The following PIEZO2 variants were observed in gnomAD, a reference collection of about 807,000 sequenced individuals.
The protein encoded by PIEZO2 is piezo type mechanosensitive ion channel component 2.
PIEZO2 carries 172 observed loss-of-function variants against 337.3 expected under a neutral mutation model. That is an observed-to-expected ratio of 0.51 (90% confidence interval 0.45 to 0.58). The LOEUF (loss-of-function observed/expected upper bound fraction) is 0.58. Ranked by LOEUF, PIEZO2 falls within the 20% of genes least tolerant of loss-of-function variation. PIEZO2 has a pLI of 0.00. For synonymous variants in PIEZO2, 1,251 were observed against 1,228.5 expected (o/e 1.02, Z -0.38); for missense variants, 3,028 against 3,391.3 (o/e 0.89, Z 2.66).
Position 10,837,437 on chromosome 18 carries a change from C to T in PIEZO2, c.917+17916G>A, listed in dbSNP as rs767989392. 1.3e-5 allele frequency among the ~76,000 whole-genome samples: 2 copies of T among 152,148 alleles called. No individual in the cohort carries two copies. The highest frequency in any genetic ancestry group is 2.9e-5 in the Non-Finnish European group (2 of 68,028). ...CAGGTACCTGTAGAGTGCTCCATCA[C>T]GCTGGACTCGCTGGAATGGGGGTAA... On this transcript the variant is annotated intron_variant, in intron 7 of 55. Coordinates refer to ENST00000674853, the MANE Select transcript of PIEZO2 (RefSeq NM_001378183.1). This position sits in a 1 kb window ranked among gnomAD's most constrained non-coding sequence, Gnocchi z 4.4.
At chr18:11,059,323 C>T (rs571152918) in intron 2 of PIEZO2, among the ~76,000 whole-genome samples, 81 of 152,266 alleles carry the variant, frequency 5.3e-4, no homozygotes, top group Non-Finnish European at 1.1e-3. Flanking sequence ...TAAAGGCCAT[C>T]GATGCTAGAA....
intron 31 of PIEZO2, among the ~76,000 whole-genome samples, 183 bp from the exon 32 acceptor site, chr18:10,742,798 TTGTGTG>T (rs71169946): frequency 3.5e-5 from 4 of 115,574 alleles, no homozygotes; most frequent in South Asian, 4.9e-4. Flanking sequence ...ATATACATAT[TTGTGTG>T]TGTGTGTGTG....
At chr18:10,738,664 G>A (rs1362348466) in intron 33 of PIEZO2, 2 of 152,264 alleles carry the variant, frequency 1.3e-5, no homozygotes, top group South Asian at 4.2e-4. Flanking sequence ...ACATATCATG[G>A]ATGTTGATGT....
At chr18:10,946,431 C>A (rs1401814944) in intron 3 of PIEZO2, among the ~76,000 whole-genome samples, 1 of 152,214 alleles carries the variant, frequency 6.6e-6, no homozygotes, top group African/African-American at 2.4e-5. Context: ...ATTCTACCCC[C>A]ACTCTGCAGC....
In PIEZO2 at chr18:10,824,922, G is replaced by A. The variant is rs1305653492; in HGVS notation, c.918-17648C>T. ...TCTGTCACCCAGGCTGGAGTGCAGT[G>A]GTGTGATCTTGGCTCACTGCAACCT... On this transcript the variant is annotated intron_variant, in intron 7 of 55. Transcript: ENST00000674853. This position sits in a 1 kb window ranked among gnomAD's most constrained non-coding sequence, Gnocchi z 4.4. 6.6e-6 allele frequency among the ~76,000 whole-genome samples: 1 copy of A among 152,162 alleles called. No homozygotes were observed. The highest frequency in any genetic ancestry group is 2.4e-5 in the African/African-American group (1 of 41,440).
intron 1 of PIEZO2, among the ~76,000 whole-genome samples, chr18:11,123,945 G>T (rs2040107674): frequency 6.6e-6 from 1 of 152,150 alleles, no homozygotes; most frequent in South Asian, 2.1e-4. Context: ...TCACCACAAA[G>T]GAAAAGTATG....
At chr18:10,932,215 A>T (rs2032133134) in intron 3 of PIEZO2, among the ~76,000 whole-genome samples, 1 of 151,840 alleles carries the variant, frequency 6.6e-6, no homozygotes, top group African/African-American at 2.4e-5. Flanking sequence ...GGGCAACATG[A>T]CAAAACCCCA....
Position 10,727,044 on chromosome 18 carries a change from G to A in PIEZO2, c.5029+4363C>T. 1.6e-6 allele frequency: 1 copy of A among 634,508 alleles called. No homozygotes were observed. The highest frequency in any genetic ancestry group is 2.5e-5 in the South Asian group (1 of 39,242). The allele number at this position is 634,508 out of a possible 1,614,324, so 39.3% of individuals were successfully genotyped here. ...GCTTCCACGGTCTGGGTGTTTCTTG[G>A]GGGGTGTTGGGAGGGCAGGAGCATT... On this transcript the variant is annotated intron_variant, in intron 36 of 55. Transcript: ENST00000674853. The surrounding 1 kb of genome is among the most constrained non-coding windows in gnomAD (Gnocchi z 6.3).
At chr18:11,107,768 G>T (rs2039612683) in intron 1 of PIEZO2, among the ~76,000 whole-genome samples, 1 of 152,152 alleles carries the variant, frequency 6.6e-6, no homozygotes, top group Non-Finnish European at 1.5e-5. Flanking sequence ...AGGACGACAG[G>T]GTTGGAAGTA....
chr18:11,080,137 C>T lies in PIEZO2; in HGVS notation c.65-13915G>A, dbSNP rs1384837254. The stretch of plus-strand genomic sequence containing the variant: ...TCCACACTGCTACCTCTCTCATCTA[C>T]ACAGAAAACACCTATAAAAATAACA... On this transcript the variant is annotated intron_variant, in intron 1 of 55. Coordinates refer to ENST00000674853, the MANE Select transcript of PIEZO2 (RefSeq NM_001378183.1). The surrounding 1 kb of genome is among the most constrained non-coding windows in gnomAD (Gnocchi z 5.4). Among the ~76,000 whole-genome samples the T allele has an allele frequency of 1.3e-5, 2 of 152,206 alleles. No homozygotes were observed. The highest frequency in any genetic ancestry group is 2.9e-5 in the Non-Finnish European group (2 of 68,038).
In PIEZO2 at chr18:10,702,116, T is replaced by C; in HGVS notation, c.6314A>G (p.Asn2105Ser). The C allele has an allele frequency of 6.5e-7, 1 of 1,536,946 alleles. No homozygotes were observed. The highest frequency in any genetic ancestry group is 8.7e-7 in the Non-Finnish European group (1 of 1,146,834). ...CGGTTTATCTTTGTTCACCTCCACA[T>C]TCTTATTCCAGGGAAAGAACCCAAA... ...FQFGFFPWNK[N>S]VEVNKDKPYH... The change falls in exon 43 of 56, where the codon AAT becomes AGT. Residue 2105 changes from asparagine (N) to serine (S), a missense_variant. Physicochemically the swap from Asn to Ser is conservative, Grantham distance 46. Around this residue, in one of 5 missense-constraint regions of PIEZO2, gnomAD observed 1,925 missense variants for 2,051.9 expected, o/e 0.94. Coordinates refer to ENST00000674853, the MANE Select transcript of PIEZO2 (RefSeq NM_001378183.1).
intron 1 of PIEZO2, among the ~76,000 whole-genome samples, chr18:11,115,138 A>T (rs536077428): frequency 1.3e-5 from 2 of 152,328 alleles, no homozygotes; most frequent in East Asian, 3.9e-4. Flanking sequence ...GCTATTCAGG[A>T]TTGACAGTTT....
rs71362202 is a variant in PIEZO2, at chr18:11,073,848, C to CTTT, written c.65-7629_65-7627dup. Among the ~76,000 whole-genome samples, 436 of 137,146 alleles carry CTTT rather than the reference C, an allele frequency of 3.2e-3. 8 individuals carry two copies. Among genetic ancestry groups the CTTT allele is most frequent in the South Asian group, 0.013 (55 of 4,282 alleles). The allele number at this position is 137,146 out of a possible 152,430, so 90.0% of individuals were successfully genotyped here. ...CGACTTAGAAGACAAATAACAACTG[C>CTTT]TTTTTTTTTTTTTTTTGAGACAGAG... is the stretch of plus-strand genomic sequence containing the variant. On this transcript the variant is annotated intron_variant, in intron 1 of 55. Transcript: ENST00000674853.
intron 2 of PIEZO2, among the ~76,000 whole-genome samples, chr18:10,998,813 T>C (rs1365471928): frequency 6.6e-6 from 1 of 151,452 alleles, no homozygotes; most frequent in Non-Finnish European, 1.5e-5. Flanking sequence ...TTTTAGCATG[T>C]TTTATTCATA....
At position 10,882,318 on chromosome 18, in the gene PIEZO2, C is replaced by T. The variant is rs1047493677; in HGVS notation, c.330-10903G>A. Among the ~76,000 whole-genome samples, 6 of 152,246 alleles carry T rather than the reference C, an allele frequency of 3.9e-5. No homozygotes were observed. The East Asian group carries it at 9.6e-4, about 24-fold the overall frequency. ...ATGACAAAAATTCAGTGACCCAAGG[C>T]CTTTCTCCAGTTACCCCCGGCCCAA... On this transcript the variant is annotated intron_variant, in intron 4 of 55. Coordinates refer to ENST00000674853, the MANE Select transcript of PIEZO2 (RefSeq NM_001378183.1).
chr18:10,730,549 GA>G (rs2036721761), intron 36 of PIEZO2, among the ~76,000 whole-genome samples: 1 of 133,550 alleles, frequency 7.5e-6, no homozygotes, highest in African/African-American at 3.0e-5. Flanking sequence ...CTTCGCTTTT[GA>G]TTTTTTTATT....
At chr18:11,018,378 A>ATATTGTGTG (rs1186022863) in intron 2 of PIEZO2, among the ~76,000 whole-genome samples, 1 of 115,696 alleles carries the variant, frequency 8.6e-6, no homozygotes, top group African/African-American at 3.2e-5. Flanking sequence ...GACTCCCAAC[A>ATATTGTGTG]TGTCGTGTGT....
chr18:10,809,041 A>T (rs1010657857), intron 7 of PIEZO2, among the ~76,000 whole-genome samples: 2 of 152,172 alleles, frequency 1.3e-5, no homozygotes, highest in Admixed American at 1.3e-4. Context: ...TCATATAGAC[A>T]TTACATACCT....
At chr18:11,012,872 A>G (rs1224917686) in intron 2 of PIEZO2, among the ~76,000 whole-genome samples, 2 of 152,190 alleles carry the variant, frequency 1.3e-5, no homozygotes, top group African/African-American at 4.8e-5. Flanking sequence ...CAGTGAGACC[A>G]GTCTGTACAA....
Sources: allele counts gnomAD v4.1 joint callset (sites outside exome capture counted in the v4.1 genomes callset), GRCh38; gene constraint gnomAD v4.1.1; regional missense constraint gnomAD v4.1.1; non-coding constraint Gnocchi (gnomAD v3.1); transcripts MANE v1.5; gene names NCBI Gene and HGNC (gene_info 2026-07-23, HGNC 2026-07-21).